ESRRG: variants seen among roughly 807,000 people sequenced by gnomAD.
ESRRG encodes the protein estrogen related receptor gamma.
ESRRG carries 13 observed loss-of-function variants against 44.0 expected under a neutral mutation model. That is an observed-to-expected ratio of 0.30 (90% confidence interval 0.19 to 0.47). The LOEUF (loss-of-function observed/expected upper bound fraction) is 0.47. Ranked by LOEUF, ESRRG falls within the 20% of genes least tolerant of loss-of-function variation. ESRRG has a pLI of 1.00. For synonymous variants in ESRRG, 215 were observed against 214.6 expected (o/e 1.00, Z -0.02); for missense variants, 395 against 580.6 (o/e 0.68, Z 3.29).
intron 2 of ESRRG, among the ~76,000 whole-genome samples, chr1:216,743,727 T>C (rs936970401): frequency 3.9e-5 from 6 of 152,160 alleles, no homozygotes; most frequent in Non-Finnish European, 8.8e-5. Flanking sequence ...TCACAGTCAT[T>C]GACATGATGG....
intron 1 of ESRRG, among the ~76,000 whole-genome samples, chr1:216,710,422 C>T (rs1418751257): frequency 1.3e-5 from 2 of 152,152 alleles, no homozygotes; most frequent in Non-Finnish European, 2.9e-5. Flanking sequence ...CTCCAATGTC[C>T]CAAGTTTGCC....
intron 1 of ESRRG, among the ~76,000 whole-genome samples, chr1:217,060,116 CATATATATGTAT>C (rs1313269726): frequency 6.6e-6 from 1 of 151,822 alleles, no homozygotes; most frequent in Non-Finnish European, 1.5e-5. Flanking sequence ...ATATAATATG[CATATATATGTAT>C]ATACTTATGC....
intron 2 of ESRRG, among the ~76,000 whole-genome samples, chr1:216,737,773 G>C (rs1452551132): frequency 1.0e-5 from 1 of 99,774 alleles, no homozygotes; most frequent in Non-Finnish European, 2.3e-5. Context: ...TAGCAAGAAG[G>C]GATTAAAAAA....
intron 1 of ESRRG, among the ~76,000 whole-genome samples, chr1:217,054,848 C>G (rs1019616336): frequency 6.6e-6 from 1 of 152,054 alleles, no homozygotes; most frequent in African/African-American, 2.4e-5. Flanking sequence ...ATTATAATAT[C>G]ACTGAAACAA....
At chr1:217,130,389 T>C (rs138086319) in intron 1 of ESRRG, among the ~76,000 whole-genome samples, 1 of 152,122 alleles carries the variant, frequency 6.6e-6, no homozygotes, top group Non-Finnish European at 1.5e-5. Flanking sequence ...TGCACCACCA[T>C]GCCTGGCTAA....
chr1:216,542,443 C>A (rs1191301028), intron 5 of ESRRG, among the ~76,000 whole-genome samples: 3 of 151,984 alleles, frequency 2.0e-5, no homozygotes, highest in African/African-American at 7.2e-5. Context: ...AGCCACATCT[C>A]AGCAGCAGTG....
rs1328184642 is a variant in ESRRG, at chr1:216,888,987, C to T, written c.-14+50595G>A. Among the ~76,000 whole-genome samples the T allele has an allele frequency of 4.6e-5, 7 of 152,244 alleles. No homozygotes were observed. In the South Asian group the frequency reaches 8.3e-4, roughly 18 times the overall value. ...TGAGGAATCTTAAAATAAGCTCATC[C>T]TTGCATCCCAATCCTCAGAAGAATG... On this transcript the variant is annotated intron_variant, in intron 2 of 7. Coordinates refer to the ESRRG transcript ENST00000359162.
At chr1:216,543,162 C>A (rs1046353535) in intron 5 of ESRRG, among the ~76,000 whole-genome samples, 1 of 152,010 alleles carries the variant, frequency 6.6e-6, no homozygotes. Flanking sequence ...AAATCACTGA[C>A]AAGAAATTGT....
intron 1 of ESRRG, among the ~76,000 whole-genome samples, chr1:217,133,631 T>TTCTTTCTTTCTTTCTTTCTC (rs1491192210): frequency 6.8e-5 from 4 of 58,448 alleles, no homozygotes; most frequent in African/African-American, 9.8e-5. Context: ...CTTTCTTTCT[T>TTCTTTCTTTCTTTCTTTCTC]TCTCTCTCTC....
At chr1:217,126,471 G>A (rs749247189) in intron 1 of ESRRG, among the ~76,000 whole-genome samples, 1 of 152,058 alleles carries the variant, frequency 6.6e-6, no homozygotes, top group African/African-American at 2.4e-5. Flanking sequence ...CATGCCATAA[G>A]CCTGGCAAAT....
rs554084212 is a variant in ESRRG at position 216,994,426 on chromosome 1, T to C, written c.-105-54753A>G. Reference sequence around the variant, plus strand: ...TTGTCTGCACAAACACACACACGGATACATGTGACTGCACACACATATAAA... The same window carrying C: ...TTGTCTGCACAAACACACACACGGACACATGTGACTGCACACACATATAAA... On this transcript the variant is annotated intron_variant, in intron 1 of 7. Transcript: ENST00000359162. Among the ~76,000 whole-genome samples the C allele has an allele frequency of 1.7e-4, 26 of 151,966 alleles. No homozygotes were observed. The South Asian group carries it at 1.9e-3, about 11-fold the overall frequency.
chr1:216,853,055 A>G (rs903355149), intron 2 of ESRRG, among the ~76,000 whole-genome samples: 1 of 152,182 alleles, frequency 6.6e-6, no homozygotes, highest in Non-Finnish European at 1.5e-5. Context: ...ACAGTTCCCA[A>G]ACTTTGTAAT....
intron 1 of ESRRG, among the ~76,000 whole-genome samples, chr1:216,940,837 C>A (rs1025503541): frequency 6.6e-6 from 1 of 152,180 alleles, no homozygotes; most frequent in African/African-American, 2.4e-5. Flanking sequence ...CAAATTCCCC[C>A]TACACCCAGC....
chr1:216,927,098 C>T (rs532187743), intron 2 of ESRRG, among the ~76,000 whole-genome samples: 1 of 152,252 alleles, frequency 6.6e-6, no homozygotes, highest in South Asian at 2.1e-4. Context: ...CAATCCGAAC[C>T]ATAACTCAAG....
At chr1:216,642,532 C>T (rs1235425224) in intron 3 of ESRRG, among the ~76,000 whole-genome samples, 1 of 152,048 alleles carries the variant, frequency 6.6e-6, no homozygotes, top group Non-Finnish European at 1.5e-5. Flanking sequence ...TTCGCTATTG[C>T]TTATATTATA....
intron 2 of ESRRG, among the ~76,000 whole-genome samples, chr1:216,663,161 T>C (rs1326872092): frequency 6.6e-6 from 1 of 152,124 alleles, no homozygotes; most frequent in Admixed American, 6.6e-5. Flanking sequence ...TTGTTTTCCA[T>C]ATAAAACATA....
chr1:216,677,660 A>T lies in ESRRG; in HGVS notation c.57-169T>A, dbSNP rs116205930. Among the ~76,000 whole-genome samples the T allele has an allele frequency of 5.8e-3, 876 of 152,278 alleles. 10 individuals are homozygous for T. Among genetic ancestry groups the T allele is most frequent in the African/African-American group, 0.02 (824 of 41,554 alleles). On this transcript the variant is annotated intron_variant, in intron 1 of 6. Transcript: ENST00000408911. ...TGTTAAAGACATTGCTCTTTGAGAG[A>T]GTTTCCTAAGGGCTAGGGACTACAC...
intron 1 of ESRRG, among the ~76,000 whole-genome samples, chr1:216,686,551 G>A (rs930357794): frequency 3.3e-5 from 5 of 151,690 alleles, no homozygotes; most frequent in African/African-American, 9.7e-5. Context: ...CCTGCTTGTC[G>A]TTTGTCACAT....
intron 1 of ESRRG, among the ~76,000 whole-genome samples, chr1:217,025,617 GA>G: frequency 6.6e-6 from 1 of 152,226 alleles, no homozygotes; most frequent in Non-Finnish European, 1.5e-5. Flanking sequence ...CTGTTTGCCA[GA>G]AAAAAAGCAT....
Sources: gnomAD v4.1 joint callset for allele counts (sites outside exome capture counted in the v4.1 genomes callset) on GRCh38, gnomAD v4.1.1 for gene constraint, MANE v1.5 for transcripts, NCBI Gene and HGNC (gene_info 2026-07-23, HGNC 2026-07-21) for gene names.